Variants in RBM12 observed in about 807,000 individuals in gnomAD.
RBM12 encodes the protein RNA binding motif protein 12.
A neutral mutation model predicts 37.2 loss-of-function variants in RBM12; 24 were observed. The observed-to-expected ratio is 0.65, with a 90% CI of 0.47 to 0.91. The LOEUF is 0.91. RBM12 is among the 40% of genes least tolerant of loss of function. The probability of loss-of-function intolerance (pLI) is 0.00; values close to 1 mark genes in which losing one functional copy is unlikely to be tolerated. For synonymous variants in RBM12, 420 were observed against 425.2 expected (o/e 0.99, Z 0.15); for missense variants, 1,061 against 1,183.2 (o/e 0.90, Z 1.52).
intron 2 of RBM12, 91 bp downstream of exon 2, chr20:35,658,839 A>ACAC: frequency 1.2e-5 from 8 of 646,274 alleles, no homozygotes; most frequent in Admixed American, 2.3e-5. Flanking sequence ...ACACACACAC[A>ACAC]ATATAGTTGC....
At chr20:35,658,904 C>T (rs1172830632) in intron 2 of RBM12, 26 bp downstream of exon 2, 9 of 707,170 alleles carry the variant, frequency 1.3e-5, no homozygotes, top group African/African-American at 1.1e-4. Context: ...TGTATAAAAA[C>T]GAACTCTCTA....
At position 35,653,149 on chromosome 20, in the gene RBM12, C is replaced by T. The variant is rs751515533; in HGVS notation, c.2174G>A (p.Gly725Asp). Residue 725 changes from glycine to aspartate, a missense_variant, in exon 3 of 3, where the codon GGT (glycine) becomes GAT (aspartate). Physicochemically the swap from Gly to Asp is moderately conservative, Grantham distance 94. Transcript: ENST00000374114. ...AAAGGCATTTGATCCACCAAAATTA[C>T]CAGGAAAGTTAAATGGAGGCCCATT... ...ANNGPPFNFP[G>D]NFGGSNAFGP... The T allele has an allele frequency of 1.5e-5, 24 of 1,613,638 alleles. No homozygotes were observed. Among genetic ancestry groups the T allele is most frequent in the South Asian group, 6.6e-5 (6 of 91,088 alleles).
Position 35,652,566 on chromosome 20 carries a change from G to A in RBM12, c.2757C>T (p.Asp919=). 6.2e-7 allele frequency: 1 copy of A among 1,614,114 alleles called. No individual in the cohort carries two copies. The highest frequency in any genetic ancestry group is 8.5e-7 in the Non-Finnish European group (1 of 1,180,008). ...EATAAVIDLN[D]RPIGSRKVKL... ...TTACTTTTCTTGAACCTATAGGCCT[G>A]TCATTTAAGTCAATGACAGCAGCTG... The change falls in exon 3 of 3, where the codon GAC becomes GAT. Residue 919 remains aspartate (D), a synonymous_variant. Transcript: ENST00000374114.
intron 1 of RBM12, among the ~76,000 whole-genome samples, chr20:35,663,064 A>T (rs2034323566): frequency 6.6e-6 from 1 of 152,222 alleles, no homozygotes; most frequent in Non-Finnish European, 1.5e-5. Flanking sequence ...GTTTTGTATA[A>T]ACACGCCAAA....
intron 2 of RBM12, among the ~76,000 whole-genome samples, chr20:35,656,884 T>C (rs867837059): frequency 4.7e-5 from 7 of 147,688 alleles, no homozygotes; most frequent in African/African-American, 1.7e-4. Context: ...ATGAAGAGAT[T>C]TGGTTTTATC....
At chr20:35,661,468 G>C (rs534846092) in intron 1 of RBM12, among the ~76,000 whole-genome samples, 18 of 152,282 alleles carry the variant, frequency 1.2e-4, no homozygotes, top group African/African-American at 4.1e-4. Flanking sequence ...ACAGCATAAT[G>C]ATAGGAAAGG....
At chr20:35,660,127 T>C (rs1277806357) in intron 1 of RBM12, among the ~76,000 whole-genome samples, 2 of 152,226 alleles carry the variant, frequency 1.3e-5, no homozygotes, top group African/African-American at 2.4e-5. Flanking sequence ...CAAAAAGCTA[T>C]GCAAATATGT....
chr20:35,657,636 G>A (rs17092945), intron 2 of RBM12, among the ~76,000 whole-genome samples: 6,427 of 152,262 alleles, frequency 0.042, 157 homozygotes, highest in African/African-American at 0.069. Context: ...GTACACATGA[G>A]AATATGCTAT....
chr20:35,654,782 G>T lies in RBM12; in HGVS notation c.541C>A (p.Pro181Thr). The T allele has an allele frequency of 6.2e-7, 1 of 1,614,126 alleles. No homozygotes were observed. The highest frequency in any genetic ancestry group is 1.1e-5 in the South Asian group (1 of 91,078). ...FSSTVPSTASPMNTVPPPPIP... is the reference protein window; with the variant it reads ...FSSTVPSTASTMNTVPPPPIP... ...GGTGGCGGCGGGACTGTGTTCATTG[G>T]AGAGGCTGTGCTTGGAACAGTTGAG... Residue 181 changes from proline to threonine, a missense_variant, in exon 3 of 3, where the codon CCA becomes ACA. Pro to Thr is a conservative substitution (Grantham distance 38). This residue lies in a region of RBM12 where 540 missense variants were observed against 632.7 expected (regional missense o/e 0.85). Transcript: ENST00000374114.
In RBM12 at chr20:35,649,553, T is replaced by C. The variant is rs2033354750; in HGVS notation, c.*2971A>G. 1 of 152,642 alleles carries C rather than the reference T, an allele frequency of 6.6e-6. No homozygotes were observed. The highest frequency in any genetic ancestry group is 6.5e-5 in the Admixed American group (1 of 15,282). 9.5% of individuals were successfully genotyped at this position (152,642 alleles called of 1,614,324 possible). ...TGGAGTACAAAGCTAGGAACTACAT[T>C]TCACTTAACACTGTTTCATTTTTTA... On this transcript the variant is annotated 3_prime_UTR_variant, in exon 3 of 3. Transcript: ENST00000374114.
chr20:35,659,890 G>C (rs139138921), intron 1 of RBM12, among the ~76,000 whole-genome samples: 81 of 152,164 alleles, frequency 5.3e-4, no homozygotes, highest in Non-Finnish European at 9.9e-4. Context: ...TTCGGAGAGA[G>C]AAGAAATTTG....
At chr20:35,657,601 G>A (rs888685652) in intron 2 of RBM12, among the ~76,000 whole-genome samples, 9 of 152,126 alleles carry the variant, frequency 5.9e-5, no homozygotes, top group African/African-American at 1.9e-4. Context: ...GTTAAGAGCA[G>A]GGATTTACTG....
chr20:35,655,374 C>G, intron 2 of RBM12, 30 bp from the exon 3 acceptor site: 1 of 1,530,204 alleles, frequency 6.5e-7, no homozygotes, highest in Non-Finnish European at 8.8e-7. Context: ...ACGGCCAGGT[C>G]AGACTCCTGT....
Position 35,649,442 on chromosome 20 carries a change from CT to C in RBM12, c.*3081del, listed in dbSNP as rs2033347058. ...TAGATTTTCATCCAGTGGGTTAAGACTGGCCTTAACTACACTGAATATTACT... is the reference window on the plus strand; with the variant it reads ...TAGATTTTCATCCAGTGGGTTAAGACGGCCTTAACTACACTGAATATTACT... On this transcript the variant is annotated 3_prime_UTR_variant, in exon 3 of 3. Coordinates refer to ENST00000374114, the MANE Select transcript of RBM12 (RefSeq NM_006047.6). 6.6e-6 allele frequency: 1 copy of C among 152,468 alleles called. No homozygotes were observed. The highest frequency in any genetic ancestry group is 2.1e-4 in the South Asian group (1 of 4,834). 9.4% of individuals were successfully genotyped at this position (152,468 alleles called of 1,614,324 possible).
Position 35,650,748 on chromosome 20 carries a change from T to C in RBM12, c.*1776A>G, listed in dbSNP as rs1360607941. Reference sequence around the variant, plus strand: ...TAGTGATAAAAAGCCTTTTCAAATCTTATCAAATGAAACTGTTGCCACTCT... The same window carrying C: ...TAGTGATAAAAAGCCTTTTCAAATCCTATCAAATGAAACTGTTGCCACTCT... On this transcript the variant is annotated 3_prime_UTR_variant, in exon 3 of 3. Coordinates refer to ENST00000374114, the MANE Select transcript of RBM12 (RefSeq NM_006047.6). The C allele has an allele frequency of 2.6e-5, 4 of 152,618 alleles. No individual in the cohort carries two copies. Among genetic ancestry groups the C allele is most frequent in the Admixed American group, 2.6e-4 (4 of 15,282 alleles). 9.5% of individuals were successfully genotyped at this position (152,618 alleles called of 1,614,324 possible). A position where few individuals can be genotyped will look rare whatever the true frequency, so the allele number is the denominator to read the frequency against.
Position 35,653,857 on chromosome 20 carries a change from C to T in RBM12, c.1466G>A (p.Cys489Tyr). ...ATTGCCCATGTACTGTTTATGACGA[C>T]ACAGAGCAGCCTTATAGTCAGCCTC... Reference protein sequence around the residue: ...RNEADYKAALCRHKQYMGNRF... With the variant: ...RNEADYKAALYRHKQYMGNRF... Residue 489 changes from cysteine to tyrosine, a missense_variant, in exon 3 of 3, where the codon TGT becomes TAT. Physicochemically the swap from Cys to Tyr is radical, Grantham distance 194 (BLOSUM62 -2). Around this residue, in one of 3 missense-constraint regions of RBM12, gnomAD observed 540 missense variants for 632.7 expected, o/e 0.85. Coordinates refer to ENST00000374114, the MANE Select transcript of RBM12 (RefSeq NM_006047.6). 6.2e-7 allele frequency: 1 copy of T among 1,614,006 alleles called. No individual in the cohort carries two copies. Among genetic ancestry groups the T allele is most frequent in the Non-Finnish European group, 8.5e-7 (1 of 1,180,032 alleles).
intron 1 of RBM12, 84 bp from the exon 2 acceptor site, chr20:35,659,098 C>T (rs894653337): frequency 1.1e-5 from 6 of 538,974 alleles, no homozygotes; most frequent in Non-Finnish European, 2.0e-5. Flanking sequence ...ATTACGAAGG[C>T]GAGTCTGAAA....
rs1256138463 is a variant in RBM12 at position 35,649,690 on chromosome 20, T to C, written c.*2834A>G. 6.6e-6 allele frequency: 1 copy of C among 152,558 alleles called. No individual in the cohort carries two copies. Among genetic ancestry groups the C allele is most frequent in the African/African-American group, 2.4e-5 (1 of 41,420 alleles). The allele number at this position is 152,558 out of a possible 1,614,324, so 9.5% of individuals were successfully genotyped here. ...ACTAAAGTTCAGAAAAGTTTACAAA[T>C]TTGCTTATTTATGACATACATTTGT... is the stretch of plus-strand genomic sequence containing the variant. On this transcript the variant is annotated 3_prime_UTR_variant, in exon 3 of 3. Transcript: ENST00000374114.
chr20:35,654,550 C>A lies in RBM12; in HGVS notation c.773G>T (p.Gly258Val), dbSNP rs2033769812. 1.2e-6 allele frequency: 2 copies of A among 1,614,210 alleles called. No homozygotes were observed. Among genetic ancestry groups the A allele is most frequent in the Non-Finnish European group, 1.7e-6 (2 of 1,180,046 alleles). Residue 258 changes from glycine (G) to valine (V), a missense_variant, in exon 3 of 3, where the codon GGA becomes GTA. Gly to Val is a moderately radical substitution (Grantham distance 109). This residue lies in a region of RBM12 where 540 missense variants were observed against 632.7 expected (regional missense o/e 0.85). Transcript: ENST00000374114. ...NPPPVAPLPA[G>V]MNGSGAPMNL... Reference sequence around the variant, plus strand: ...CATAGGTGCTCCAGAGCCATTCATTCCAGCAGGTAGAGGTGCCACAGGTGG... The same window carrying A: ...CATAGGTGCTCCAGAGCCATTCATTACAGCAGGTAGAGGTGCCACAGGTGG...
Sources: allele counts gnomAD v4.1 joint callset (sites outside exome capture counted in the v4.1 genomes callset), GRCh38; gene constraint gnomAD v4.1.1; regional missense constraint gnomAD v4.1.1; transcripts MANE v1.5; gene names NCBI Gene and HGNC (gene_info 2026-07-23, HGNC 2026-07-21).